Variants in NRXN3 observed in about 807,000 individuals in gnomAD.
The protein encoded by NRXN3 is neurexin III.
NRXN3 carries 32 observed loss-of-function variants against 137.6 expected under a neutral mutation model. The observed-to-expected ratio is 0.23, with a 90% CI of 0.18 to 0.31. The LOEUF (loss-of-function observed/expected upper bound fraction) is 0.31. Ranked by LOEUF, NRXN3 falls within the 10% of genes least tolerant of loss-of-function variation. NRXN3 has a pLI of 1.00. For synonymous variants in NRXN3, 798 were observed against 784.5 expected (o/e 1.02, Z -0.29); for missense variants, 1,574 against 2,062.5 (o/e 0.76, Z 4.59).
chr14:78,254,444 G>A (rs1367420092), intron 2 of NRXN3, among the ~76,000 whole-genome samples: 1 of 152,174 alleles, frequency 6.6e-6, no homozygotes, highest in Admixed American at 6.5e-5. Flanking sequence ...ACTTTGGGAG[G>A]CCGAGGCAGG....
At chr14:78,505,687 A>AAATAAT (rs1185647711) in intron 4 of NRXN3, among the ~76,000 whole-genome samples, 2 of 152,170 alleles carry the variant, frequency 1.3e-5, no homozygotes, top group Non-Finnish European at 2.9e-5. Context: ...TAATAACAAA[A>AAATAAT]AATAAAAAAG....
chr14:79,096,989 C>T (rs1054180848), intron 15 of NRXN3, among the ~76,000 whole-genome samples: 23 of 151,092 alleles, frequency 1.5e-4, no homozygotes, highest in African/African-American at 4.6e-4. Flanking sequence ...TGCTTTCAGC[C>T]AAGGTGGAAT....
intron 4 of NRXN3, among the ~76,000 whole-genome samples, chr14:78,594,274 G>T (rs902739303): frequency 6.6e-6 from 1 of 152,158 alleles, no homozygotes; most frequent in African/African-American, 2.4e-5. Context: ...ACAAGGCGCC[G>T]AGGGGTGCTG....
At chr14:78,895,828 G>A (rs1285682965) in intron 10 of NRXN3, among the ~76,000 whole-genome samples, 1 of 151,794 alleles carries the variant, frequency 6.6e-6, no homozygotes, top group African/African-American at 2.4e-5. Context: ...CCCAAGGAGA[G>A]GAAGAAAAAT....
chr14:78,532,806 T>G (rs2096486692), intron 4 of NRXN3, among the ~76,000 whole-genome samples: 1 of 152,146 alleles, frequency 6.6e-6, no homozygotes, highest in Admixed American at 6.5e-5. Context: ...GAATTATCTT[T>G]CTTTTCATCC....
chr14:78,594,336 T>A (rs536680687), intron 4 of NRXN3, among the ~76,000 whole-genome samples: 2 of 152,164 alleles, frequency 1.3e-5, no homozygotes, highest in South Asian at 4.2e-4. Flanking sequence ...GTGGTAGAGA[T>A]CAGATGGCAG....
At chr14:78,470,026 G>GT (rs951593396) in intron 4 of NRXN3, among the ~76,000 whole-genome samples, 13 of 152,242 alleles carry the variant, frequency 8.5e-5, no homozygotes, top group African/African-American at 2.6e-4. Context: ...GAATATCTGG[G>GT]TTTTTTTCCA....
chr14:78,509,148 A>G (rs568646426), intron 4 of NRXN3, among the ~76,000 whole-genome samples: 85 of 152,220 alleles, frequency 5.6e-4, no homozygotes, highest in African/African-American at 2.0e-3. Context: ...AAAAATACAA[A>G]AATTATTTGG....
intron 15 of NRXN3, among the ~76,000 whole-genome samples, chr14:79,131,081 T>C (rs1382472216): frequency 6.6e-6 from 1 of 152,228 alleles, no homozygotes. Context: ...TATATTCTTC[T>C]AAACTTTTTC....
At chr14:79,181,408 C>T (rs140713523) in intron 15 of NRXN3, among the ~76,000 whole-genome samples, 1 of 151,912 alleles carries the variant, frequency 6.6e-6, no homozygotes, top group African/African-American at 2.4e-5. Context: ...TGTGGCTGGG[C>T]ACGGTGGCTC....
intron 10 of NRXN3, among the ~76,000 whole-genome samples, chr14:78,919,574 T>C (rs1042447999): frequency 3.3e-5 from 5 of 152,336 alleles, no homozygotes; most frequent in African/African-American, 1.2e-4. Context: ...CCTGTTCTTC[T>C]GTTTTCATCA....
At chr14:79,174,501 T>TTATACA (rs148858393) in intron 15 of NRXN3, among the ~76,000 whole-genome samples, 1 of 143,514 alleles carries the variant, frequency 7.0e-6, no homozygotes. Context: ...ATTGAAAGTT[T>TTATACA]TATATATATA....
chr14:79,346,764 G>A (rs999406045), intron 15 of NRXN3, among the ~76,000 whole-genome samples: 10 of 151,970 alleles, frequency 6.6e-5, no homozygotes, highest in Non-Finnish European at 7.4e-5. Context: ...CTTACATCTC[G>A]CCTCAGTGAA....
At chr14:78,578,639 G>A (rs2096960757) in intron 4 of NRXN3, among the ~76,000 whole-genome samples, 1 of 152,206 alleles carries the variant, frequency 6.6e-6, no homozygotes, top group Admixed American at 6.5e-5. Flanking sequence ...AGAAAACCTG[G>A]TTTGGAGAGT....
chr14:78,585,269 A>G (rs1253439253), intron 4 of NRXN3, among the ~76,000 whole-genome samples: 2 of 152,144 alleles, frequency 1.3e-5, no homozygotes, highest in Non-Finnish European at 2.9e-5. Context: ...ACAGGCAGCC[A>G]GTGCAAAGGA....
chr14:79,566,941 A>G (rs2153790381), intron 16 of NRXN3, among the ~76,000 whole-genome samples: 1 of 152,200 alleles, frequency 6.6e-6, no homozygotes, highest in Admixed American at 6.5e-5. Flanking sequence ...AAACTTATAT[A>G]TTATCTTTAA....
chr14:78,757,383 G>A (rs1001386433), intron 8 of NRXN3, among the ~76,000 whole-genome samples: 2 of 146,788 alleles, frequency 1.4e-5, no homozygotes, highest in Non-Finnish European at 2.9e-5. Context: ...ACTCCAGCCT[G>A]GGCGACAGAG....
Position 79,862,345 on chromosome 14 carries a change from C to G in NRXN3, c.*381C>G, listed in dbSNP as rs2099414977. Reference sequence around the variant, plus strand: ...TAGAAGACTTCATGGCTTACTTGTTCCATAACTCCAAGTGAGTCTGTAATG... The same window carrying G: ...TAGAAGACTTCATGGCTTACTTGTTGCATAACTCCAAGTGAGTCTGTAATG... On this transcript the variant is annotated 3_prime_UTR_variant, in exon 21 of 21. Coordinates refer to ENST00000335750, the MANE Select transcript of NRXN3 (RefSeq NM_001330195.2). 1 of 168,216 alleles carries G rather than the reference C, an allele frequency of 5.9e-6. No homozygotes were observed. Among genetic ancestry groups the G allele is most frequent in the South Asian group, 1.7e-4 (1 of 5,982 alleles). The allele number at this position is 168,216 out of a possible 1,614,324, so 10.4% of individuals were successfully genotyped here. A position where few individuals can be genotyped will look rare whatever the true frequency, so the allele number is the denominator to read the frequency against.
intron 4 of NRXN3, among the ~76,000 whole-genome samples, chr14:78,562,143 A>T (rs1390166045): frequency 1.3e-5 from 2 of 152,090 alleles, no homozygotes; most frequent in African/African-American, 4.8e-5. Context: ...TCACGCCTGT[A>T]ATCCCAGCAC....
Sources: allele counts gnomAD v4.1 joint callset (sites outside exome capture counted in the v4.1 genomes callset), GRCh38; gene constraint gnomAD v4.1.1; transcripts MANE v1.5; gene names NCBI Gene and HGNC (gene_info 2026-07-23, HGNC 2026-07-21).